Variants in INIP observed in about 807,000 individuals in gnomAD.
INIP encodes INTS3 and NABP interacting protein, also known as SOSS complex subunit C.
In INIP, 9 loss-of-function variants were observed where a neutral mutation model predicts 14.0. That is an observed-to-expected ratio of 0.64 (90% CI 0.39 to 1.12). The LOEUF (loss-of-function observed/expected upper bound fraction) is 1.12, where lower values mean the gene tolerates loss of function less well. INIP is among the 50% of genes most tolerant of loss of function. The pLI, the probability that INIP is intolerant of heterozygous loss-of-function variation, is 0.01. For missense variants in INIP, 78 were observed against 122.7 expected (o/e 0.64, Z 1.72); for synonymous variants, 37 against 41.5 (o/e 0.89, Z 0.41).
chr9:112,713,055 T>C (rs369415464), intron 2 of INIP, among the ~76,000 whole-genome samples: 1 of 152,152 alleles, frequency 6.6e-6, no homozygotes, highest in Non-Finnish European at 1.5e-5. Flanking sequence ...GTGCAAAACA[T>C]ATCTGACAAA....
At chr9:112,689,468 C>T in intron 4 of INIP, 59 bp downstream of exon 4, 4 of 1,292,170 alleles carry the variant, frequency 3.1e-6, no homozygotes, top group East Asian at 2.3e-5. Context: ...TAACTATGTG[C>T]CGGCTTCTGA....
chr9:112,690,074 G>T (rs1218253019), intron 3 of INIP, among the ~76,000 whole-genome samples: 4 of 149,482 alleles, frequency 2.7e-5, no homozygotes, highest in African/African-American at 1.0e-4. Context: ...ATATAAGAAA[G>T]TCTATGTTAT....
At chr9:112,696,618 G>A (rs892404231) in intron 2 of INIP, among the ~76,000 whole-genome samples, 2 of 152,148 alleles carry the variant, frequency 1.3e-5, no homozygotes, top group African/African-American at 2.4e-5. Flanking sequence ...AAGACTGCTC[G>A]CCACTTCAGA....
rs765798713 is a variant in INIP, at chr9:112,689,595, G to T, written c.151C>A (p.Leu51Ile). The T allele has an allele frequency of 6.2e-7, 1 of 1,614,164 alleles. No individual in the cohort carries two copies. The change falls in exon 4 of 5, where the codon CTT becomes ATT. Residue 51 changes from leucine to isoleucine, a missense_variant. Coordinates refer to ENST00000374242, the MANE Select transcript of INIP (RefSeq NM_021218.3). ...GCGTGATCCCGGAAGTCCTTATTAA[G>T]AGAGGGTCTCGAGAGTGCAATGCTA... ...GASIALSRPS[L>I]NKDFRDHAEQ...
At chr9:112,698,297 CTG>C (rs1001002834) in intron 2 of INIP, among the ~76,000 whole-genome samples, 3 of 104,912 alleles carry the variant, frequency 2.9e-5, no homozygotes, top group Non-Finnish European at 5.3e-5. Context: ...GAGCGAGACT[CTG>C]TCTCAAAAAA....
At chr9:112,699,687 AG>A (rs1281315550) in intron 2 of INIP, among the ~76,000 whole-genome samples, 1 of 152,122 alleles carries the variant, frequency 6.6e-6, no homozygotes, top group Non-Finnish European at 1.5e-5. Flanking sequence ...CTCCTGGGTA[AG>A]GGAGGATTAC....
At chr9:112,687,888 A>G (rs1198999609) in intron 4 of INIP, among the ~76,000 whole-genome samples, 1 of 152,102 alleles carries the variant, frequency 6.6e-6, no homozygotes, top group African/African-American at 2.4e-5. Context: ...GATCGAGACC[A>G]TCCTGGCTAA....
At chr9:112,691,567 C>A (rs999728190) in intron 3 of INIP, among the ~76,000 whole-genome samples, 2 of 152,288 alleles carry the variant, frequency 1.3e-5, no homozygotes, top group Admixed American at 6.5e-5. Flanking sequence ...TGAAAACAGG[C>A]AGGCTAGGAA....
intron 2 of INIP, among the ~76,000 whole-genome samples, chr9:112,700,615 ATTAAG>A (rs1478408706): frequency 6.7e-6 from 1 of 149,698 alleles, no homozygotes; most frequent in Non-Finnish European, 1.5e-5. Context: ...ATTTTTAGGC[ATTAAG>A]TTAAAACTGC....
chr9:112,692,930 A>G (rs1837943832), intron 3 of INIP, among the ~76,000 whole-genome samples: 1 of 150,250 alleles, frequency 6.7e-6, no homozygotes. Context: ...AGTGTGAGAT[A>G]CTCAGGGGCG....
chr9:112,714,453 A>C (rs2645987), intron 2 of INIP, among the ~76,000 whole-genome samples: 64,006 of 152,010 alleles, frequency 0.42, 13,711 homozygotes, highest in African/African-American at 0.46. Flanking sequence ...CTTTTATACA[A>C]ATTTTAAAAT....
intron 2 of INIP, among the ~76,000 whole-genome samples, chr9:112,697,135 T>A (rs1053925404): frequency 3.3e-5 from 5 of 152,136 alleles, no homozygotes; most frequent in Non-Finnish European, 7.3e-5. Context: ...TAAAGAGTCA[T>A]CACATTGAAC....
chr9:112,699,163 A>AT lies in INIP; in HGVS notation c.26-4931dup, dbSNP rs756250042. On this transcript the variant is annotated intron_variant, in intron 2 of 4. Transcript: ENST00000374242. ...CAAGACCCTATCTCTTAAAAAAAAA[A>AT]TTTTTTTTTTCCAGTTAGGTGTGGT... Among the ~76,000 whole-genome samples the AT allele has an allele frequency of 3.6e-3, 542 of 149,670 alleles. 2 individuals carry two copies. The highest frequency in any genetic ancestry group is 6.3e-3 in the Non-Finnish European group (426 of 67,326).
At chr9:112,700,535 ATATT>A (rs1838256842) in intron 2 of INIP, among the ~76,000 whole-genome samples, 1 of 134,886 alleles carries the variant, frequency 7.4e-6, no homozygotes, top group Non-Finnish European at 1.5e-5. Flanking sequence ...ATATATATAT[ATATT>A]ATATATACCT....
In INIP at chr9:112,696,882, G is replaced by A. The variant is rs114397419; in HGVS notation, c.26-2649C>T. 3.7e-3 allele frequency among the ~76,000 whole-genome samples: 562 copies of A among 152,266 alleles called. 6 individuals carry two copies. The highest frequency in any genetic ancestry group is 0.013 in the African/African-American group (525 of 41,548). On this transcript the variant is annotated intron_variant, in intron 2 of 4. Transcript: ENST00000374242. ...GACATGGAGCTTTAACACTCTCTCC[G>A]GCACACCATCTTTCAAGCACCTTCA...
chr9:112,715,865 G>T (rs1838795757), intron 2 of INIP, among the ~76,000 whole-genome samples: 1 of 148,126 alleles, frequency 6.8e-6, no homozygotes, highest in African/African-American at 2.5e-5. Flanking sequence ...TAAACTTCTT[G>T]TTAAAAATGA....
At chr9:112,689,126 T>TA (rs892462735) in intron 4 of INIP, among the ~76,000 whole-genome samples, 42 of 147,102 alleles carry the variant, frequency 2.9e-4, no homozygotes, top group South Asian at 1.1e-3. Flanking sequence ...GCTGAGCATT[T>TA]AAAAAAAAAA....
At chr9:112,688,959 T>A (rs786976) in intron 4 of INIP, among the ~76,000 whole-genome samples, 1 of 151,898 alleles carries the variant, frequency 6.6e-6, no homozygotes, top group African/African-American at 2.4e-5. Flanking sequence ...GGGAAAAAAA[T>A]GTCCAAAGTC....
intron 4 of INIP, among the ~76,000 whole-genome samples, chr9:112,689,019 T>C (rs1381190891): frequency 6.6e-6 from 1 of 152,160 alleles, no homozygotes; most frequent in African/African-American, 2.4e-5. Flanking sequence ...TAAAACTATT[T>C]ATTACTCTGA....
Sources: gnomAD v4.1 joint callset for allele counts (sites outside exome capture counted in the v4.1 genomes callset) on GRCh38, gnomAD v4.1.1 for gene constraint, MANE v1.5 for transcripts, NCBI Gene and HGNC (gene_info 2026-07-23, HGNC 2026-07-21) for gene names.